CTDSPL2: variants seen among roughly 807,000 people sequenced by gnomAD.
The protein encoded by CTDSPL2 is CTD small phosphatase like 2.
A neutral mutation model predicts 60.0 loss-of-function variants in CTDSPL2; 5 were observed. The observed-to-expected ratio is 0.08, with a 90% CI of 0.04 to 0.18. The LOEUF (loss-of-function observed/expected upper bound fraction) is 0.18, where lower values mean the gene tolerates loss of function less well. Among genes scored for constraint, CTDSPL2 ranks in the 10% least tolerant of loss-of-function variants. CTDSPL2 has a pLI of 1.00. For missense variants in CTDSPL2, 370 were observed against 548.8 expected (o/e 0.67, Z 3.26); for synonymous variants, 186 against 189.3 (o/e 0.98, Z 0.14).
chr15:44,489,903 A>G (rs994889865), intron 4 of CTDSPL2, among the ~76,000 whole-genome samples: 7 of 152,198 alleles, frequency 4.6e-5, no homozygotes, highest in Non-Finnish European at 8.8e-5. Context: ...GATAGTAGCA[A>G]TGGAGATAAA....
At chr15:44,472,618 C>G (rs2080834025) in intron 2 of CTDSPL2, among the ~76,000 whole-genome samples, 1 of 151,822 alleles carries the variant, frequency 6.6e-6, no homozygotes, top group African/African-American at 2.4e-5. Context: ...TCACCTCAGC[C>G]TCCTGAGGAG....
At chr15:44,444,723 G>A (rs1366323318) in intron 1 of CTDSPL2, among the ~76,000 whole-genome samples, 1 of 147,148 alleles carries the variant, frequency 6.8e-6, no homozygotes, top group African/African-American at 2.6e-5. Context: ...TGTAGTATAA[G>A]GTAAGTAGTT....
At chr15:44,503,220 G>GT (rs142996036) in intron 8 of CTDSPL2, among the ~76,000 whole-genome samples, 46 of 148,352 alleles carry the variant, frequency 3.1e-4, no homozygotes, top group Admixed American at 4.7e-4. Flanking sequence ...TCTTAAATTG[G>GT]TTTTTTTTTT....
Position 44,514,643 on chromosome 15 carries a change from A to G in CTDSPL2, c.1015A>G (p.Met339Val). 1 of 1,607,712 alleles carries G rather than the reference A, an allele frequency of 6.2e-7. No individual in the cohort carries two copies. Among genetic ancestry groups the G allele is most frequent in the Non-Finnish European group, 8.5e-7 (1 of 1,174,446 alleles). The change falls in exon 9 of 13, where the codon ATG (methionine) becomes GTG (valine). Residue 339 changes from methionine (M) to valine (V), a missense_variant. Physicochemically the swap from Met to Val is conservative, Grantham distance 21. This residue lies in a region of CTDSPL2 where 21 missense variants were observed against 42.1 expected (regional missense o/e 0.50). Coordinates refer to ENST00000260327, the MANE Select transcript of CTDSPL2 (RefSeq NM_016396.3). ...RPFFREFLER[M>V]SQMYEIILFT... is the part of the protein sequence containing the mutation. The stretch of plus-strand genomic sequence containing the variant: ...ATTTTTCAGGGAATTCCTGGAACGA[A>G]TGTCTCAGATGTATGAGGTAAACAT...
chr15:44,522,173 A>G (rs1426548706), intron 12 of CTDSPL2, among the ~76,000 whole-genome samples: 2 of 151,974 alleles, frequency 1.3e-5, no homozygotes, highest in African/African-American at 4.8e-5. Flanking sequence ...AGCTAGGACT[A>G]TAGGCATGTG....
At chr15:44,521,473 A>C in intron 12 of CTDSPL2, 67 bp downstream of exon 12, 2 of 898,172 alleles carry the variant, frequency 2.2e-6, no homozygotes, top group Non-Finnish European at 3.5e-6. Flanking sequence ...AAATATTTTT[A>C]AATGTCTTTG....
chr15:44,507,672 A>C (rs796167932), intron 8 of CTDSPL2, among the ~76,000 whole-genome samples: 9 of 152,356 alleles, frequency 5.9e-5, no homozygotes, highest in African/African-American at 2.2e-4. Flanking sequence ...GAACTAAATT[A>C]AACAGTTTAC....
intron 3 of CTDSPL2, 148 bp downstream of exon 3, chr15:44,484,510 G>T: frequency 1.4e-6 from 1 of 738,288 alleles, no homozygotes; most frequent in Non-Finnish European, 2.2e-6. Context: ...CGAGGTCGGC[G>T]GATCATTTGA....
intron 8 of CTDSPL2, among the ~76,000 whole-genome samples, chr15:44,506,025 CTTTT>C (rs753896129): frequency 4.3e-5 from 5 of 117,576 alleles, no homozygotes; most frequent in East Asian, 5.4e-4. Flanking sequence ...TCATTGGTAA[CTTTT>C]TTTTTTTTTT....
intron 1 of CTDSPL2, among the ~76,000 whole-genome samples, chr15:44,452,300 A>C (rs977998364): frequency 6.6e-6 from 1 of 152,112 alleles, no homozygotes; most frequent in African/African-American, 2.4e-5. Flanking sequence ...ATGTTATTAA[A>C]TATGTATTAT....
At chr15:44,445,395 G>T (rs1288712359) in intron 1 of CTDSPL2, among the ~76,000 whole-genome samples, 1 of 151,694 alleles carries the variant, frequency 6.6e-6, no homozygotes, top group Non-Finnish European at 1.5e-5. Flanking sequence ...TCATCATGTT[G>T]CCCAGGCTGG....
At chr15:44,428,215 AAC>A (rs1302404544) in intron 1 of CTDSPL2, 1 of 152,118 alleles carries the variant, frequency 6.6e-6, no homozygotes, top group Non-Finnish European at 1.5e-5. Flanking sequence ...AGTTCTTATA[AAC>A]ACCTTTTCAG....
intron 1 of CTDSPL2, among the ~76,000 whole-genome samples, chr15:44,444,328 CACACACACACACAG>C (rs1198519958): frequency 6.7e-6 from 1 of 150,128 alleles, no homozygotes; most frequent in Admixed American, 6.6e-5. Context: ...CACACACACA[CACACACACACACAG>C]ACACAGAGAC....
intron 6 of CTDSPL2, 106 bp from the exon 7 acceptor site, chr15:44,496,921 T>C (rs2081310862): frequency 3.4e-6 from 2 of 581,746 alleles, no homozygotes; most frequent in South Asian, 4.9e-5. Context: ...ATAAGTTTTG[T>C]TTTCTGGGTT....
intron 1 of CTDSPL2, among the ~76,000 whole-genome samples, chr15:44,428,619 G>A (rs2079795380): frequency 6.6e-6 from 1 of 152,206 alleles, no homozygotes; most frequent in Admixed American, 6.5e-5. Context: ...GAAATGAAAC[G>A]TACTCAGTAG....
chr15:44,463,399 C>A (rs913904482), intron 2 of CTDSPL2, among the ~76,000 whole-genome samples: 1 of 152,168 alleles, frequency 6.6e-6, no homozygotes, highest in Admixed American at 6.6e-5. Context: ...ACCTCAGCCT[C>A]CCAGAGTGCT....
At chr15:44,452,367 A>G (rs1393735281) in intron 1 of CTDSPL2, among the ~76,000 whole-genome samples, 1 of 152,160 alleles carries the variant, frequency 6.6e-6, no homozygotes, top group Non-Finnish European at 1.5e-5. Flanking sequence ...TGTTTATGAT[A>G]GAAGTTCCTT....
intron 1 of CTDSPL2, among the ~76,000 whole-genome samples, chr15:44,452,299 AATATGT>A (rs1567066789): frequency 6.6e-6 from 1 of 152,024 alleles, no homozygotes; most frequent in Non-Finnish European, 1.5e-5. Flanking sequence ...GATGTTATTA[AATATGT>A]ATTATTTTGT....
At chr15:44,459,748 G>C (rs1437839117) in intron 2 of CTDSPL2, among the ~76,000 whole-genome samples, 1 of 152,020 alleles carries the variant, frequency 6.6e-6, no homozygotes, top group East Asian at 1.9e-4. Context: ...ATTTTTCCTT[G>C]TTCTTTTACT....
Sources: gnomAD v4.1 joint callset for allele counts (sites outside exome capture counted in the v4.1 genomes callset) on GRCh38, gnomAD v4.1.1 for gene constraint, gnomAD v4.1.1 regional missense constraint, MANE v1.5 for transcripts, NCBI Gene and HGNC (gene_info 2026-07-23, HGNC 2026-07-21) for gene names.